The following FOCAD variants were observed in gnomAD, a reference collection of about 807,000 sequenced individuals.
The protein encoded by FOCAD is KIAA1797.
FOCAD carries 198 observed loss-of-function variants against 225.6 expected under a neutral mutation model. The ratio of observed to expected loss-of-function variants is 0.88; its 90% CI spans 0.78 to 0.99. FOCAD has a LOEUF of 0.99. Among genes scored for constraint, FOCAD ranks in the 50% least tolerant of loss-of-function variants. FOCAD has a pLI of 0.00. For synonymous variants in FOCAD, 897 were observed against 755.0 expected, an observed-to-expected ratio of 1.19 and a Z score of -3.08; for missense variants, 2,713 against 2,123.6, an observed-to-expected ratio of 1.28 and a Z score of -5.46.
Position 20,865,945 on chromosome 9 carries a change from T to G in FOCAD, c.2075T>G (p.Leu692Arg), listed in dbSNP as rs1292653231. ...TEYENFKVQV[L>R]SFLWTHTQNK... ...TTTCAGAATTTTAAAGTTCAAGTCC[T>G]CAGCTTCCTCTGGACTCATACTCAA... The change falls in exon 17 of 44, where the codon CTC becomes CGC. Residue 692 changes from leucine to arginine, a missense_variant. Leu to Arg is a moderately radical substitution (Grantham distance 102). Transcript: ENST00000338382. The G allele has an allele frequency of 6.2e-7, 1 of 1,609,294 alleles. No homozygotes were observed. The highest frequency in any genetic ancestry group is 2.2e-5 in the East Asian group (1 of 44,662).
At chr9:20,740,140 C>A in intron 4 of FOCAD, 96 bp from the exon 5 acceptor site, 8 of 761,236 alleles carry the variant, frequency 1.1e-5, no homozygotes, top group South Asian at 1.8e-5. Context: ...ATGTGGGTGG[C>A]AAGTATTAAA....
chr9:20,805,226 T>G (rs970670191), intron 11 of FOCAD, among the ~76,000 whole-genome samples: 1 of 152,222 alleles, frequency 6.6e-6, no homozygotes, highest in Non-Finnish European at 1.5e-5. Flanking sequence ...TATATATTTT[T>G]AGTTCTGCAT....
chr9:20,683,183 T>C (rs1049677164), upstream of FOCAD: 2 of 152,194 alleles, frequency 1.3e-5, no homozygotes, highest in Non-Finnish European at 2.9e-5. Flanking sequence ...AAATTCTTCC[T>C]ACAAATGAGA....
chr9:20,676,401 A>G (rs1822237320), intron 2 of FOCAD, among the ~76,000 whole-genome samples: 1 of 152,210 alleles, frequency 6.6e-6, no homozygotes, highest in African/African-American at 2.4e-5. Flanking sequence ...ACCTCCCTCA[A>G]TTACTGTTAT....
At chr9:20,670,510 T>C (rs1822030134) in intron 2 of FOCAD, among the ~76,000 whole-genome samples, 1 of 151,968 alleles carries the variant, frequency 6.6e-6, no homozygotes, top group Non-Finnish European at 1.5e-5. Flanking sequence ...GGAGAGAGAA[T>C]AGAGAAAGGG....
At chr9:20,814,019 T>G (rs751575821) in intron 11 of FOCAD, among the ~76,000 whole-genome samples, 14 of 152,200 alleles carry the variant, frequency 9.2e-5, no homozygotes, top group Non-Finnish European at 2.1e-4. Context: ...TGGACAACCT[T>G]GCTGTCTTTT....
chr9:20,672,599 C>T (rs942983650), intron 2 of FOCAD, among the ~76,000 whole-genome samples: 10 of 152,102 alleles, frequency 6.6e-5, no homozygotes, highest in Admixed American at 5.9e-4. Flanking sequence ...AACAGGTGCC[C>T]GCCACCACGC....
chr9:20,969,049 T>C lies in FOCAD; in HGVS notation c.4133-7371T>C, dbSNP rs192881984. Among the ~76,000 whole-genome samples, 56 of 152,314 alleles carry C rather than the reference T, an allele frequency of 3.7e-4. 1 individual carries two copies. Among genetic ancestry groups the C allele is most frequent in the Admixed American group, 3.6e-3 (55 of 15,290 alleles). ...ATCCATTGGTCATTTAAGAATATCT[T>C]TTTTACTTTCCATTTATTAGTGAGT... On this transcript the variant is annotated intron_variant, in intron 35 of 43. Coordinates refer to ENST00000338382, the MANE Select transcript of FOCAD (RefSeq NM_001375567.1).
rs545056112 is a variant in FOCAD, at chr9:20,958,730, T to G, written c.4132+5665T>G. Reference sequence around the variant, plus strand: ...GCCTCTAAGTATTCTCTCTTCTACTTTTTACTTCTGAGAGATCAACTTTCT... The same window carrying G: ...GCCTCTAAGTATTCTCTCTTCTACTGTTTACTTCTGAGAGATCAACTTTCT... On this transcript the variant is annotated intron_variant, in intron 35 of 43. Coordinates refer to ENST00000338382, the MANE Select transcript of FOCAD (RefSeq NM_001375567.1). Among the ~76,000 whole-genome samples the G allele has an allele frequency of 3.8e-3, 586 of 152,288 alleles. 5 individuals carry two copies. Among genetic ancestry groups the G allele is most frequent in the African/African-American group, 0.013 (560 of 41,550 alleles).
At chr9:20,955,438 AC>A (rs1169961826) in intron 35 of FOCAD, among the ~76,000 whole-genome samples, 1 of 152,094 alleles carries the variant, frequency 6.6e-6, no homozygotes, top group Non-Finnish European at 1.5e-5. Context: ...TTTCATGCAG[AC>A]CCACATTTTA....
chr9:20,924,883 T>C (rs558273497), intron 25 of FOCAD, among the ~76,000 whole-genome samples: 1 of 152,324 alleles, frequency 6.6e-6, no homozygotes, highest in African/African-American at 2.4e-5. Flanking sequence ...TCATTTATTA[T>C]CCTCATGTCA....
intron 11 of FOCAD, among the ~76,000 whole-genome samples, chr9:20,793,886 T>G (rs1464934394): frequency 6.6e-6 from 1 of 152,032 alleles, no homozygotes. Context: ...CAGAACAAAA[T>G]TTTTCTTATT....
chr9:20,785,064 A>G (rs1819776690), intron 10 of FOCAD, among the ~76,000 whole-genome samples: 2 of 152,126 alleles, frequency 1.3e-5, no homozygotes, highest in South Asian at 2.1e-4. Flanking sequence ...TCATATGTGC[A>G]GGCTTCATTT....
intron 11 of FOCAD, among the ~76,000 whole-genome samples, chr9:20,806,680 GA>G (rs1156338765): frequency 2.0e-5 from 3 of 152,026 alleles, no homozygotes; most frequent in Non-Finnish European, 4.4e-5. Context: ...TTTTTACATC[GA>G]ATTCCATCTA....
intron 7 of FOCAD, among the ~76,000 whole-genome samples, chr9:20,765,735 G>GA (rs200827189): frequency 0.013 from 1,997 of 152,182 alleles, 52 homozygotes; most frequent in African/African-American, 0.045. Context: ...AACTGCATAT[G>GA]AAAAAAAATC....
At chr9:20,938,654 C>T (rs1836280714) in intron 28 of FOCAD, among the ~76,000 whole-genome samples, 1 of 151,954 alleles carries the variant, frequency 6.6e-6, no homozygotes, top group Non-Finnish European at 1.5e-5. Flanking sequence ...GGGTACAGCA[C>T]ACCAATATGG....
chr9:20,746,586 T>C (rs1219761838), intron 5 of FOCAD, among the ~76,000 whole-genome samples: 1 of 152,242 alleles, frequency 6.6e-6, no homozygotes, highest in Non-Finnish European at 1.5e-5. Flanking sequence ...CATGTTTGCA[T>C]TATCATTATC....
chr9:20,812,878 C>T lies in FOCAD; in HGVS notation c.1456-6918C>T, dbSNP rs182155243. Among the ~76,000 whole-genome samples the T allele has an allele frequency of 2.1e-4, 32 of 152,196 alleles. 1 individual carries two copies. Among genetic ancestry groups the T allele is most frequent in the East Asian group, 3.9e-4 (2 of 5,186 alleles). Reference sequence around the variant, plus strand: ...CCCAGGATTTTTTGTGTATGGTAAACACATAACATGAAATCTACCTTAAAA... The same window carrying T: ...CCCAGGATTTTTTGTGTATGGTAAATACATAACATGAAATCTACCTTAAAA... On this transcript the variant is annotated intron_variant, in intron 11 of 43. Transcript: ENST00000338382.
At chr9:20,981,318 C>G (rs571646801) in intron 37 of FOCAD, 108 bp from the exon 38 acceptor site, 18 of 1,280,080 alleles carry the variant, frequency 1.4e-5, no homozygotes, top group Non-Finnish European at 1.9e-5. Flanking sequence ...GTAACCTGAA[C>G]CTTTTATCTC....
Sources: gnomAD v4.1 joint callset for allele counts (sites outside exome capture counted in the v4.1 genomes callset) on GRCh38, gnomAD v4.1.1 for gene constraint, MANE v1.5 for transcripts, NCBI Gene and HGNC (gene_info 2026-07-23, HGNC 2026-07-21) for gene names.